The following TTC7A variants were observed in gnomAD, a reference collection of about 807,000 sequenced individuals.
TTC7A encodes the protein tetratricopeptide repeat domain 7A.
A neutral mutation model predicts 103.7 loss-of-function variants in TTC7A; 110 were observed. The ratio of observed to expected loss-of-function variants is 1.06; its 90% CI spans 0.91 to 1.24. The LOEUF (loss-of-function observed/expected upper bound fraction) is 1.24. Ranked by LOEUF, TTC7A falls within the 50% of genes most tolerant of loss-of-function variation. The probability of loss-of-function intolerance (pLI) is 0.00; values close to 1 mark genes in which losing one functional copy is unlikely to be tolerated. For missense variants in TTC7A, 1,340 were observed against 1,116.3 expected, an observed-to-expected ratio of 1.20 and a Z score of -2.86; for synonymous variants, 521 against 467.9, an observed-to-expected ratio of 1.11 and a Z score of -1.47.
chr2:46,940,069 C>T (rs1670204003), upstream of TTC7A, among the ~76,000 whole-genome samples: 1 of 152,080 alleles, frequency 6.6e-6, no homozygotes, highest in South Asian at 2.1e-4. This position sits in a 1 kb window ranked among gnomAD's most constrained non-coding sequence, Gnocchi z 4.7. Context: ...TCAGTGGGAA[C>T]AGGAAGACTG....
In TTC7A at chr2:46,974,988, G is replaced by T. The variant is rs757371551; in HGVS notation, c.533G>T (p.Arg178Leu). The T allele has an allele frequency of 1.2e-6, 2 of 1,613,820 alleles. No individual in the cohort carries two copies. The highest frequency in any genetic ancestry group is 1.7e-6 in the Non-Finnish European group (2 of 1,179,828). Residue 178 changes from arginine (R) to leucine (L), a missense_variant, in exon 4 of 20, where the codon CGC becomes CTC. Physicochemically the swap from Arg to Leu is moderately radical, Grantham distance 102. Transcript: ENST00000319190. Reference sequence around the variant, plus strand: ...CCTCCCGCAGGCCTCTCTCTGGAACGCCTACCCAACTCCATCGCCTCCCGC... The same window carrying T: ...CCTCCCGCAGGCCTCTCTCTGGAACTCCTACCCAACTCCATCGCCTCCCGC... ...AFVIKGLSLE[R>L]LPNSIASRFR...
chr2:46,994,549 C>G lies in TTC7A; in HGVS notation c.1001+35C>G, dbSNP rs761096027. 3.7e-6 allele frequency: 6 copies of G among 1,606,696 alleles called. No individual in the cohort carries two copies. The South Asian group carries it at 6.7e-5, about 18-fold the overall frequency. On this transcript the variant is annotated intron_variant, in intron 7 of 19. Coordinates refer to ENST00000319190, the MANE Select transcript of TTC7A (RefSeq NM_020458.4). Reference sequence around the variant, plus strand: ...GCCTGCCCTGCTGCACCTTGCCAGTCTCACATCTCACGCAGGGTTCTGTCC... The same window carrying G: ...GCCTGCCCTGCTGCACCTTGCCAGTGTCACATCTCACGCAGGGTTCTGTCC...
chr2:46,925,365 C>T (rs929116543), intron 2 of TTC7A, among the ~76,000 whole-genome samples: 2 of 152,090 alleles, frequency 1.3e-5, no homozygotes, highest in African/African-American at 4.8e-5. Context: ...CGAGACTAAC[C>T]TAGCCAACAT....
chr2:46,944,089 G>A (rs1270703210), intron 1 of TTC7A, among the ~76,000 whole-genome samples: 2 of 152,094 alleles, frequency 1.3e-5, no homozygotes, highest in Non-Finnish European at 2.9e-5. Context: ...CTCACATCCG[G>A]TCTAGATTAG....
intron 14 of TTC7A, among the ~76,000 whole-genome samples, chr2:47,024,872 A>G (rs935302024): frequency 6.6e-6 from 1 of 152,114 alleles, no homozygotes; most frequent in African/African-American, 2.4e-5. Context: ...ATGACTCTGC[A>G]GGCAGACCCG....
At chr2:46,993,847 T>C (rs1340131638) in intron 6 of TTC7A, among the ~76,000 whole-genome samples, 1 of 152,188 alleles carries the variant, frequency 6.6e-6, no homozygotes. Flanking sequence ...GGGATTTGTT[T>C]ATGATCCTAA....
chr2:47,006,156 C>G (rs569304760), intron 9 of TTC7A, 97 bp downstream of exon 9: 2 of 1,489,972 alleles, frequency 1.3e-6, no homozygotes, highest in Admixed American at 1.9e-5. Context: ...CCTGTCATTC[C>G]CCTGCCAGGC....
intron 2 of TTC7A, among the ~76,000 whole-genome samples, chr2:46,954,240 G>A (rs984881041): frequency 2.6e-5 from 4 of 152,110 alleles, no homozygotes; most frequent in African/African-American, 9.7e-5. Flanking sequence ...TATTGACAGG[G>A]ACAGTGAGGC....
rs552838593 is a variant in TTC7A at position 46,995,327 on chromosome 2, T to C, written c.1065+128T>C. The stretch of plus-strand genomic sequence containing the variant: ...CTCCCAGGGATACTCCTAAAGTAGA[T>C]GCTTCTTGGCCCTGGGCCCCCATAC... On this transcript the variant is annotated intron_variant, in intron 8 of 19. Coordinates refer to ENST00000319190, the MANE Select transcript of TTC7A (RefSeq NM_020458.4). 1.2e-4 allele frequency: 108 copies of C among 913,970 alleles called. No individual in the cohort carries two copies. In the African/African-American group the frequency reaches 1.7e-3, roughly 14 times the overall value. 56.6% of individuals were successfully genotyped at this position (913,970 alleles called of 1,614,324 possible).
chr2:47,033,367 G>C (rs1262619132), intron 15 of TTC7A, among the ~76,000 whole-genome samples: 1 of 152,216 alleles, frequency 6.6e-6, no homozygotes, highest in Non-Finnish European at 1.5e-5. Flanking sequence ...TATTAGAGGC[G>C]TCTCTTTTCA....
intron 19 of TTC7A, among the ~76,000 whole-genome samples, chr2:47,072,308 G>A (rs756649475): frequency 6.6e-6 from 1 of 152,174 alleles, no homozygotes; most frequent in Non-Finnish European, 1.5e-5. Context: ...CTACGGCTTT[G>A]CCCAGGGCTG....
intron 17 of TTC7A, chr2:47,050,385 A>G (rs572711016): frequency 4.9e-5 from 13 of 267,504 alleles, no homozygotes; most frequent in African/African-American, 2.8e-4. Flanking sequence ...TGGCAGATCA[A>G]GTCAAATAGA....
At chr2:46,989,616 ATT>A (rs59228878) in intron 5 of TTC7A, among the ~76,000 whole-genome samples, 11,741 of 134,328 alleles carry the variant, frequency 0.087, 583 homozygotes, top group Admixed American at 0.14. Context: ...GGACCTCTCT[ATT>A]TTTTTTTTTT....
intron 19 of TTC7A, among the ~76,000 whole-genome samples, chr2:47,072,945 C>G (rs980681048): frequency 2.0e-5 from 3 of 152,186 alleles, no homozygotes; most frequent in African/African-American, 7.2e-5. Context: ...GTTAGTTCCT[C>G]TATCTCTTTG....
chr2:46,974,935 G>A (rs769833351), intron 3 of TTC7A, 38 bp from the exon 4 acceptor site: 48 of 1,605,346 alleles, frequency 3.0e-5, no homozygotes, highest in African/African-American at 4.0e-5. Flanking sequence ...CAGGGGGCCC[G>A]AGCAGGACAG....
In TTC7A at chr2:46,978,841, A is replaced by T; in HGVS notation, c.698A>T (p.Asp233Val). Residue 233 changes from aspartate (D) to valine (V), a missense_variant, in exon 5 of 20, where the codon GAC (aspartate) becomes GTC (valine). Transcript: ENST00000319190. ...SRHLKGCHPL[D>V]YELTYFLEAA... ...CATCTGAAAGGCTGTCACCCGCTTGACTATGAGCTCACCTACTTCCTGGAA... is the reference window on the plus strand; with the variant it reads ...CATCTGAAAGGCTGTCACCCGCTTGTCTATGAGCTCACCTACTTCCTGGAA... 1 of 1,614,100 alleles carries T rather than the reference A, an allele frequency of 6.2e-7. No homozygotes were observed.
chr2:47,009,889 T>G (rs78744536), intron 10 of TTC7A, among the ~76,000 whole-genome samples: 31 of 42,748 alleles, frequency 7.3e-4, no homozygotes, highest in Admixed American at 1.3e-3. Context: ...TGTGTGTGTT[T>G]TTTTTTTTTT....
intron 5 of TTC7A, among the ~76,000 whole-genome samples, chr2:46,985,099 T>A (rs183593253): frequency 1.1e-4 from 17 of 152,308 alleles, no homozygotes; most frequent in Non-Finnish European, 2.9e-5. Flanking sequence ...GGGTATGCAG[T>A]GCTGCAGTGG....
chr2:46,965,406 C>T (rs1672746981), intron 3 of TTC7A, among the ~76,000 whole-genome samples: 1 of 152,168 alleles, frequency 6.6e-6, no homozygotes, highest in African/African-American at 2.4e-5. Context: ...CCCTGTGGCA[C>T]TGCTGTCTTG....
Sources: gnomAD v4.1 joint callset for allele counts (sites outside exome capture counted in the v4.1 genomes callset) on GRCh38, gnomAD v4.1.1 for gene constraint, Gnocchi (gnomAD v3.1) non-coding constraint, MANE v1.5 for transcripts, NCBI Gene and HGNC (gene_info 2026-07-23, HGNC 2026-07-21) for gene names.